SGCZ: variants seen among roughly 807,000 people sequenced by gnomAD.
SGCZ encodes the protein zeta-sarcoglycan.
Under a neutral mutation model 41.3 loss-of-function variants are expected in SGCZ, and 40 were observed. The observed-to-expected ratio is 0.97, with a 90% CI of 0.75 to 1.26. The LOEUF is 1.26. Among genes scored for constraint, SGCZ ranks in the 50% most tolerant of loss-of-function variants. The pLI is 0.00. For missense variants in SGCZ, 552 were observed against 369.8 expected, an observed-to-expected ratio of 1.49 and a Z score of -4.04; for synonymous variants, 206 against 137.5, an observed-to-expected ratio of 1.50 and a Z score of -3.49.
At chr8:15,216,925 A>T (rs930678011) in intron 1 of SGCZ, among the ~76,000 whole-genome samples, 1 of 152,068 alleles carries the variant, frequency 6.6e-6, no homozygotes, top group Non-Finnish European at 1.5e-5. Context: ...TGCACATGGG[A>T]TTAGGGTAGA....
intron 2 of SGCZ, among the ~76,000 whole-genome samples, chr8:14,463,312 A>C (rs565216973): frequency 3.3e-5 from 5 of 151,324 alleles, no homozygotes; most frequent in Non-Finnish European, 7.4e-5. Context: ...TTTAAAACTT[A>C]TTATAAAGAT....
intron 5 of SGCZ, among the ~76,000 whole-genome samples, chr8:14,149,656 G>GAA (rs35798060): frequency 0.027 from 3,724 of 140,204 alleles, 101 homozygotes; most frequent in African/African-American, 0.062. Flanking sequence ...TTCTTCATAG[G>GAA]AAAAAAAAAA....
chr8:14,199,916 A>G (rs574584890), intron 4 of SGCZ, among the ~76,000 whole-genome samples: 1 of 152,340 alleles, frequency 6.6e-6, no homozygotes, highest in East Asian at 1.9e-4. Context: ...AAAATTTGAT[A>G]CTAGTTTTGC....
intron 1 of SGCZ, among the ~76,000 whole-genome samples, chr8:15,025,133 T>C (rs891042430): frequency 1.3e-5 from 2 of 151,944 alleles, no homozygotes; most frequent in African/African-American, 4.8e-5. Flanking sequence ...TGAATCAAAT[T>C]TGTTGGAATG....
At chr8:15,215,922 T>C (rs1303573360) in intron 1 of SGCZ, among the ~76,000 whole-genome samples, 1 of 152,218 alleles carries the variant, frequency 6.6e-6, no homozygotes, top group African/African-American at 2.4e-5. Context: ...ACTTCTGGAA[T>C]GCATTTTTCC....
chr8:15,173,193 T>C (rs545685966), intron 1 of SGCZ, among the ~76,000 whole-genome samples: 1 of 152,350 alleles, frequency 6.6e-6, no homozygotes, highest in African/African-American at 2.4e-5. Flanking sequence ...TTAAAATGTA[T>C]TGTAATAAAA....
chr8:14,513,135 C>A (rs548080897), intron 2 of SGCZ, among the ~76,000 whole-genome samples: 51 of 152,158 alleles, frequency 3.4e-4, no homozygotes, highest in Non-Finnish European at 5.6e-4. Flanking sequence ...CTTGACCTCC[C>A]AGGCTCAAGC....
chr8:14,091,067 A>G (rs887718966), intron 7 of SGCZ, among the ~76,000 whole-genome samples: 22 of 151,986 alleles, frequency 1.4e-4, no homozygotes, highest in Admixed American at 1.2e-3. Flanking sequence ...CCTCCCACTT[A>G]CAAGTGAGAA....
chr8:14,102,790 C>T (rs1802074174), intron 6 of SGCZ, among the ~76,000 whole-genome samples: 1 of 152,046 alleles, frequency 6.6e-6, no homozygotes, highest in Non-Finnish European at 1.5e-5. Context: ...GTTGTTTCCC[C>T]TCAGAATGCT....
chr8:14,582,824 C>T (rs1448860373), intron 1 of SGCZ, among the ~76,000 whole-genome samples: 2 of 151,652 alleles, frequency 1.3e-5, no homozygotes, highest in South Asian at 2.1e-4. Flanking sequence ...CATGTCCCTA[C>T]AAAGGACATG....
At chr8:14,193,658 G>GT (rs1362675546) in intron 4 of SGCZ, among the ~76,000 whole-genome samples, 12 of 152,150 alleles carry the variant, frequency 7.9e-5, no homozygotes, top group African/African-American at 2.6e-4. Flanking sequence ...TGTTACACAA[G>GT]TTTATGTCTA....
chr8:14,220,025 T>C (rs1046599087), intron 4 of SGCZ, among the ~76,000 whole-genome samples: 1 of 152,212 alleles, frequency 6.6e-6, no homozygotes, highest in African/African-American at 2.4e-5. Flanking sequence ...AAAGATGTGT[T>C]TGAGCCTAGT....
chr8:15,018,943 A>G lies in SGCZ; in HGVS notation c.39+218642T>C, dbSNP rs531805221. Reference sequence around the variant, plus strand: ...TTAGGAAACTTACAGTCATCACAGAAGGTGAAGAGGAAGAAGGGATGTCTT... The same window carrying G: ...TTAGGAAACTTACAGTCATCACAGAGGGTGAAGAGGAAGAAGGGATGTCTT... On this transcript the variant is annotated intron_variant, in intron 1 of 7. Transcript: ENST00000382080. Among the ~76,000 whole-genome samples, 158 of 152,318 alleles carry G rather than the reference A, an allele frequency of 1.0e-3. 2 individuals carry two copies. The highest frequency in any genetic ancestry group is 2.0e-3 in the Non-Finnish European group (137 of 68,028).
intron 1 of SGCZ, among the ~76,000 whole-genome samples, chr8:14,745,292 C>G (rs2130295411): frequency 6.6e-6 from 1 of 152,192 alleles, no homozygotes; most frequent in Admixed American, 6.5e-5. Context: ...GTCCAAGGTG[C>G]CAAATGCATG....
At chr8:14,668,329 C>T (rs1807983661) in intron 1 of SGCZ, among the ~76,000 whole-genome samples, 2 of 151,660 alleles carry the variant, frequency 1.3e-5, no homozygotes, top group South Asian at 4.2e-4. Flanking sequence ...ATATCCCACA[C>T]TTGAATATAT....
chr8:14,651,580 C>T (rs1434243853), intron 1 of SGCZ, among the ~76,000 whole-genome samples: 6 of 152,090 alleles, frequency 3.9e-5, no homozygotes, highest in Non-Finnish European at 5.9e-5. Context: ...TCACTACGCA[C>T]ACTCACTCAG....
At chr8:15,177,017 A>AAAAGAT (rs1800019286) in intron 1 of SGCZ, among the ~76,000 whole-genome samples, 1 of 152,204 alleles carries the variant, frequency 6.6e-6, no homozygotes, top group Admixed American at 6.5e-5. Context: ...AAGAAAAAGA[A>AAAAGAT]AAAGAAAGAA....
chr8:15,211,030 T>TATATAG (rs71211019), intron 1 of SGCZ, among the ~76,000 whole-genome samples: 105,411 of 147,016 alleles, frequency 0.72, 38,775 homozygotes, highest in Non-Finnish European at 0.79. Context: ...GATATATACA[T>TATATAG]ATATAGATAT....
At chr8:14,656,748 T>A (rs1166198932) in intron 1 of SGCZ, among the ~76,000 whole-genome samples, 1 of 151,846 alleles carries the variant, frequency 6.6e-6, no homozygotes, top group African/African-American at 2.4e-5. Context: ...AACTGAAAGT[T>A]TGGGATTTAT....
Sources: gnomAD v4.1 joint callset for allele counts (sites outside exome capture counted in the v4.1 genomes callset) on GRCh38, gnomAD v4.1.1 for gene constraint, MANE v1.5 for transcripts, NCBI Gene and HGNC (gene_info 2026-07-23, HGNC 2026-07-21) for gene names.